Variants in LSM5 observed in about 807,000 individuals in gnomAD.
The protein encoded by LSM5 is U6 snRNA-associated Sm-like protein LSm5.
A neutral mutation model predicts 13.8 loss-of-function variants in LSM5; 8 were observed. The ratio of observed to expected loss-of-function variants is 0.58; its 90% CI spans 0.34 to 1.04. The LOEUF (loss-of-function observed/expected upper bound fraction) is 1.04, where lower values mean the gene tolerates loss of function less well. Among genes scored for constraint, LSM5 ranks in the 50% least tolerant of loss-of-function variants. The probability of loss-of-function intolerance (pLI) is 0.03; values close to 1 mark genes in which losing one functional copy is unlikely to be tolerated. For synonymous variants in LSM5, 35 were observed against 37.0 expected (o/e 0.95, Z 0.20); for missense variants, 80 against 108.1 (o/e 0.74, Z 1.15).
upstream of LSM5, among the ~76,000 whole-genome samples, chr7:32,494,349 A>G (rs1202596641): frequency 1.7e-5 from 2 of 120,212 alleles, no homozygotes; most frequent in Non-Finnish European, 3.9e-5. Context: ...CAATGCCAAT[A>G]ATTTTGTAAT....
At chr7:32,487,543 A>G (rs1021686091) in intron 4 of LSM5, 142 bp downstream of exon 4, 1 of 688,758 alleles carries the variant, frequency 1.5e-6, no homozygotes, top group Admixed American at 2.5e-5. Context: ...TAGGACCCTG[A>G]CCACAGAGAA....
intron 4 of LSM5, 174 bp downstream of exon 4, chr7:32,487,511 T>C: frequency 1.5e-6 from 1 of 668,050 alleles, no homozygotes; most frequent in Non-Finnish European, 2.7e-6. Flanking sequence ...TTAGACCCAA[T>C]GCCTCTTCAA....
chr7:32,489,290 T>C lies in LSM5; in HGVS notation c.101A>G (p.Lys34Arg). 1.2e-6 allele frequency: 2 copies of C among 1,609,626 alleles called. No individual in the cohort carries two copies. Among genetic ancestry groups the C allele is most frequent in the Non-Finnish European group, 1.7e-6 (2 of 1,176,912 alleles). The change falls in exon 2 of 5, where the codon AAG becomes AGG. Residue 34 changes from lysine (K) to arginine (R), a missense_variant. Lys to Arg is a conservative substitution (Grantham distance 26). Coordinates refer to ENST00000450169, the MANE Select transcript of LSM5 (RefSeq NM_012322.3). ...TCCTAGAAGAGTACCAACAATTTCC[T>C]TATCACTCTTCATCACGATGTGAAT... is the stretch of plus-strand genomic sequence containing the variant. ...SRIHIVMKSD[K>R]EIVGTLLGFD...
intron 1 of LSM5, chr7:32,489,648 T>C: frequency 3.1e-6 from 1 of 317,866 alleles, no homozygotes; most frequent in Non-Finnish European, 5.9e-6. Context: ...CACCGGAAAC[T>C]CTCCGGTCAC....
intron 4 of LSM5, 100 bp from the exon 5 acceptor site, chr7:32,487,393 C>G: frequency 1.1e-6 from 1 of 893,682 alleles, no homozygotes; most frequent in South Asian, 1.4e-5. Context: ...CCCCTGCACT[C>G]CACGTTCCCA....
rs1786417390 is a variant in LSM5, at chr7:32,485,524, C to T, written c.*1737G>A. On this transcript the variant is annotated 3_prime_UTR_variant, in exon 5 of 5. Transcript: ENST00000450169. Reference sequence around the variant, plus strand: ...AAATACATGACTAACAGAAACCCATCAAGAATTCTTACAAATTAGTAAGAA... The same window carrying T: ...AAATACATGACTAACAGAAACCCATTAAGAATTCTTACAAATTAGTAAGAA... 1 of 152,164 alleles carries T rather than the reference C, an allele frequency of 6.6e-6. No homozygotes were observed. The highest frequency in any genetic ancestry group is 1.5e-5 in the Non-Finnish European group (1 of 68,036). The allele number at this position is 152,164 out of a possible 1,614,324, so 9.4% of individuals were successfully genotyped here.
intron 1 of LSM5, 136 bp from the exon 2 acceptor site, chr7:32,489,480 CA>C: frequency 1.6e-6 from 1 of 622,500 alleles, no homozygotes; most frequent in Non-Finnish European, 2.9e-6. Context: ...TCTTATAATA[CA>C]AATCTCAGTT....
In LSM5 at chr7:32,487,703, A is replaced by G. The variant is rs1249695706; in HGVS notation, c.225T>C (p.Asn75=). ...RITKLDQILL[N]GNNITMLVPG... Reference sequence around the variant, plus strand: ...GTCTTACCATTGTTATATTATTTCCATTTAGCAAAATCTGATCTAATTTAG... The same window carrying G: ...GTCTTACCATTGTTATATTATTTCCGTTTAGCAAAATCTGATCTAATTTAG... The change falls in exon 4 of 5, where the codon AAT becomes AAC. Residue 75 remains asparagine (N), a synonymous_variant. Coordinates refer to ENST00000450169, the MANE Select transcript of LSM5 (RefSeq NM_012322.3). 1.3e-6 allele frequency: 2 copies of G among 1,520,884 alleles called. No individual in the cohort carries two copies. The highest frequency in any genetic ancestry group is 1.7e-4 in the Middle Eastern group (1 of 5,888). The allele number at this position is 1,520,884 out of a possible 1,614,324, so 94.2% of individuals were successfully genotyped here.
At chr7:32,487,916 G>A (rs1786485975) in intron 3 of LSM5, 159 bp from the exon 4 acceptor site, 1 of 563,076 alleles carries the variant, frequency 1.8e-6, no homozygotes. Context: ...TTATCCACTA[G>A]GTAATGTAAC....
upstream of LSM5, among the ~76,000 whole-genome samples, chr7:32,491,105 G>A (rs1247117863): frequency 6.6e-6 from 1 of 152,132 alleles, no homozygotes; most frequent in Non-Finnish European, 1.5e-5. Context: ...ACTTAAACCT[G>A]AACAGTCTAG....
At chr7:32,493,142 A>G (rs1405984056), upstream of LSM5, among the ~76,000 whole-genome samples, 1 of 152,138 alleles carries the variant, frequency 6.6e-6, no homozygotes, top group East Asian at 1.9e-4. Context: ...ATCATATTTT[A>G]TTTATTAATT....
upstream of LSM5, among the ~76,000 whole-genome samples, chr7:32,492,980 A>C (rs1341652190): frequency 6.6e-6 from 1 of 152,208 alleles, no homozygotes; most frequent in Non-Finnish European, 1.5e-5. Flanking sequence ...TTGTTAATGA[A>C]TTTATTCTAC....
chr7:32,490,028 T>C (rs1346004856), intron 1 of LSM5: 2 of 1,390,102 alleles, frequency 1.4e-6, no homozygotes, highest in Non-Finnish European at 1.9e-6. Context: ...CTACTACCTA[T>C]AACACTGCAG....
At chr7:32,487,850 G>C (rs911427929) in intron 3 of LSM5, 93 bp from the exon 4 acceptor site, 1 of 698,562 alleles carries the variant, frequency 1.4e-6, no homozygotes, top group African/African-American at 1.8e-5. Context: ...GGTTATCCTT[G>C]TATACAAATT....
chr7:32,488,301 C>G (rs957807061), intron 3 of LSM5: 1 of 256,066 alleles, frequency 3.9e-6, no homozygotes, highest in African/African-American at 2.3e-5. Flanking sequence ...TTCCAAAGTG[C>G]TAGGATTACA....
chr7:32,495,021 T>A (rs951373994), upstream of LSM5: 14 of 152,208 alleles, frequency 9.2e-5, no homozygotes, highest in Non-Finnish European at 1.6e-4. Context: ...TACTACATAT[T>A]TAAGAATAAG....
chr7:32,493,122 G>C (rs938203771), upstream of LSM5, among the ~76,000 whole-genome samples: 2 of 152,114 alleles, frequency 1.3e-5, no homozygotes, highest in Non-Finnish European at 2.9e-5. Context: ...GGGCAACATA[G>C]CAACACCCCA....
intron 1 of LSM5, chr7:32,489,981 A>C: frequency 2.4e-6 from 3 of 1,240,822 alleles, no homozygotes; most frequent in Non-Finnish European, 3.1e-6. Flanking sequence ...TGGTCTATCT[A>C]ATCTGGGGAT....
At chr7:32,494,400 C>A (rs2128106936), upstream of LSM5, among the ~76,000 whole-genome samples, 1 of 152,262 alleles carries the variant, frequency 6.6e-6, no homozygotes, top group South Asian at 2.1e-4. Context: ...AAAATGTCTG[C>A]AGTATTAGCA....
Sources: allele counts gnomAD v4.1 joint callset (sites outside exome capture counted in the v4.1 genomes callset), GRCh38; gene constraint gnomAD v4.1.1; transcripts MANE v1.5; gene names NCBI Gene and HGNC (gene_info 2026-07-23, HGNC 2026-07-21).